MUSK: variants seen among roughly 807,000 people sequenced by gnomAD.
The protein encoded by MUSK is muscle, skeletal receptor tyrosine-protein kinase.
In MUSK, 55 loss-of-function variants were observed where a neutral mutation model predicts 88.7. That is an observed-to-expected ratio of 0.62 (90% CI 0.50 to 0.78). The LOEUF (loss-of-function observed/expected upper bound fraction) is 0.78. Among genes scored for constraint, MUSK ranks in the 30% least tolerant of loss-of-function variants. The probability of loss-of-function intolerance (pLI) is 0.00; values close to 1 mark genes in which losing one functional copy is unlikely to be tolerated. For synonymous variants in MUSK, 387 were observed against 391.9 expected (o/e 0.99, Z 0.15); for missense variants, 1,015 against 1,074.3 (o/e 0.94, Z 0.77).
chr9:110,725,298 C>T (rs982648332), intron 5 of MUSK, among the ~76,000 whole-genome samples: 11 of 151,874 alleles, frequency 7.2e-5, no homozygotes, highest in East Asian at 1.9e-4. Flanking sequence ...CTACATATTA[C>T]GTACAGTTTC....
intron 5 of MUSK, among the ~76,000 whole-genome samples, chr9:110,717,371 C>T (rs1202896260): frequency 6.7e-6 from 1 of 149,636 alleles, no homozygotes; most frequent in Non-Finnish European, 1.5e-5. Flanking sequence ...CATGTAGGAT[C>T]TTCTCCAGTC....
intron 6 of MUSK, among the ~76,000 whole-genome samples, chr9:110,742,630 A>G (rs10980551): frequency 0.44 from 67,537 of 152,082 alleles, 16,011 homozygotes; most frequent in African/African-American, 0.58. Context: ...GTCGAAGTTT[A>G]GGAATAACAA....
chr9:110,764,357 T>A (rs186243703), intron 8 of MUSK, among the ~76,000 whole-genome samples: 126 of 152,266 alleles, frequency 8.3e-4, no homozygotes, highest in African/African-American at 3.0e-3. Context: ...TTTATCTCAT[T>A]CCCCAGTTCT....
At chr9:110,748,578 A>G (rs1256694521) in intron 7 of MUSK, among the ~76,000 whole-genome samples, 2 of 152,310 alleles carry the variant, frequency 1.3e-5, no homozygotes, top group Middle Eastern at 3.4e-3. Flanking sequence ...TCCCTGTATC[A>G]GGAAATGCCA....
intron 5 of MUSK, among the ~76,000 whole-genome samples, chr9:110,717,919 C>T (rs2076765108): frequency 6.6e-6 from 1 of 152,066 alleles, no homozygotes; most frequent in Admixed American, 6.6e-5. Context: ...TTCTCTGTAA[C>T]GAATTACACA....
chr9:110,681,163 AAAT>A (rs2076130956), intron 1 of MUSK, among the ~76,000 whole-genome samples: 2 of 91,080 alleles, frequency 2.2e-5, no homozygotes, highest in Non-Finnish European at 4.3e-5. Context: ...TATATTATAA[AAAT>A]TATTATAATA....
chr9:110,755,954 A>ATATATATATATATG (rs1564268738), intron 7 of MUSK, among the ~76,000 whole-genome samples: 1 of 110,518 alleles, frequency 9.0e-6, no homozygotes, highest in African/African-American at 3.2e-5. Context: ...ATATATACAC[A>ATATATATATATATG]TATATATATA....
At chr9:110,718,367 C>A (rs918452243) in intron 5 of MUSK, among the ~76,000 whole-genome samples, 1 of 151,938 alleles carries the variant, frequency 6.6e-6, no homozygotes, top group African/African-American at 2.4e-5. Context: ...AGCAGAGGAA[C>A]TATACTCTAC....
At chr9:110,755,985 T>TATAC (rs2077317900) in intron 7 of MUSK, among the ~76,000 whole-genome samples, 1 of 142,102 alleles carries the variant, frequency 7.0e-6, no homozygotes, top group African/African-American at 2.6e-5. Context: ...TATACATATA[T>TATAC]ATATATATAT....
At chr9:110,681,072 T>TATAATAATATATATAA (rs2076116930) in intron 1 of MUSK, among the ~76,000 whole-genome samples, 1 of 25,450 alleles carries the variant, frequency 3.9e-5, no homozygotes, top group African/African-American at 3.3e-4. Flanking sequence ...TATATAATAT[T>TATAATAATATATATAA]ATATATATTA....
chr9:110,732,624 C>G lies in MUSK; in HGVS notation c.629-1627C>G, dbSNP rs575481229. On this transcript the variant is annotated intron_variant, in intron 5 of 14. Coordinates refer to ENST00000374448, the MANE Select transcript of MUSK (RefSeq NM_005592.4). ...AGTGTTCTTTGAAATGTTCCTCAACCCTTTAATTTTTGTAGATTGTTAATT... is the reference window on the plus strand; with the variant it reads ...AGTGTTCTTTGAAATGTTCCTCAACGCTTTAATTTTTGTAGATTGTTAATT... Among the ~76,000 whole-genome samples the G allele has an allele frequency of 1.1e-4, 16 of 152,102 alleles. No individual in the cohort carries two copies. The East Asian group carries it at 3.1e-3, about 30-fold the overall frequency.
intron 3 of MUSK, among the ~76,000 whole-genome samples, chr9:110,688,925 T>C (rs551625022): frequency 1.4e-5 from 2 of 146,392 alleles, no homozygotes; most frequent in East Asian, 3.9e-4. Context: ...TATATATTTA[T>C]ATATAAATAT....
chr9:110,700,613 C>G (rs1188911644), intron 5 of MUSK, among the ~76,000 whole-genome samples: 1 of 107,222 alleles, frequency 9.3e-6, no homozygotes, highest in Non-Finnish European at 2.1e-5. Context: ...TGCAAGATTT[C>G]TCTTCGAAAA....
chr9:110,680,526 G>A (rs1237440223), intron 1 of MUSK, among the ~76,000 whole-genome samples: 1 of 151,520 alleles, frequency 6.6e-6, no homozygotes, highest in African/African-American at 2.4e-5. Context: ...TGGGACTACA[G>A]GTGTGCACCA....
intron 11 of MUSK, among the ~76,000 whole-genome samples, chr9:110,777,606 A>C (rs1404519336): frequency 2.6e-5 from 4 of 152,092 alleles, no homozygotes; most frequent in Non-Finnish European, 5.9e-5. Context: ...GAGCAGCCAA[A>C]GTTTACTTTG....
At chr9:110,788,669 A>G (rs530610061) in intron 14 of MUSK, among the ~76,000 whole-genome samples, 2 of 151,552 alleles carry the variant, frequency 1.3e-5, no homozygotes, top group East Asian at 3.9e-4. Flanking sequence ...GCTCTCATAG[A>G]GCATACATTC....
chr9:110,689,346 A>G (rs2131679041), intron 3 of MUSK, among the ~76,000 whole-genome samples: 1 of 118,572 alleles, frequency 8.4e-6, no homozygotes, highest in African/African-American at 3.5e-5. Context: ...ATATAAATAT[A>G]TAAATATATA....
At chr9:110,797,277 TA>T (rs1004005554) in intron 14 of MUSK, among the ~76,000 whole-genome samples, 6 of 120,764 alleles carry the variant, frequency 5.0e-5, no homozygotes, top group African/African-American at 1.8e-4. Flanking sequence ...AATTCACAAA[TA>T]AAAAACAAAC....
intron 5 of MUSK, 130 bp from the exon 6 acceptor site, chr9:110,734,121 T>C: frequency 9.8e-7 from 1 of 1,025,126 alleles, no homozygotes; most frequent in Non-Finnish European, 1.4e-6. Flanking sequence ...TGTGGTATTA[T>C]CCTTAAAACA....
Sources: allele counts gnomAD v4.1 joint callset (sites outside exome capture counted in the v4.1 genomes callset), GRCh38; gene constraint gnomAD v4.1.1; transcripts MANE v1.5; gene names NCBI Gene and HGNC (gene_info 2026-07-23, HGNC 2026-07-21).